PALM2AKAP2: variants seen among roughly 807,000 people sequenced by gnomAD.
PALM2AKAP2 encodes the protein PALM2-AKAP2 fusion protein.
PALM2AKAP2 carries 37 observed loss-of-function variants against 71.5 expected under a neutral mutation model. The ratio of observed to expected loss-of-function variants is 0.52; its 90% confidence interval spans 0.40 to 0.68. The LOEUF (loss-of-function observed/expected upper bound fraction) is 0.68. PALM2AKAP2 is among the 30% of genes least tolerant of loss of function. PALM2AKAP2 has a pLI of 0.00. For missense variants in PALM2AKAP2, 1,224 were observed against 1,191.8 expected (o/e 1.03, Z -0.40); for synonymous variants, 468 against 478.8 (o/e 0.98, Z 0.29).
At chr9:110,093,124 G>A (rs1834754121) in intron 1 of PALM2AKAP2, among the ~76,000 whole-genome samples, 1 of 152,220 alleles carries the variant, frequency 6.6e-6, no homozygotes, top group Admixed American at 6.5e-5. Context: ...CATGTCCTCT[G>A]CAGGGACGTT....
At chr9:110,117,083 A>G (rs1165414837) in intron 1 of PALM2AKAP2, among the ~76,000 whole-genome samples, 1 of 152,112 alleles carries the variant, frequency 6.6e-6, no homozygotes, top group East Asian at 1.9e-4. Context: ...ATGCTCAGTC[A>G]TATGCATCTT....
In PALM2AKAP2 at chr9:109,692,091, T is replaced by C. The variant is rs533927976; in HGVS notation, c.5+51225T>C. ...TTTTTTTAAATTTTTAAAAAATTTT[T>C]AAATTGAGATATAATTCACACATGA... On this transcript the variant is annotated intron_variant, in intron 1 of 6. Transcript: ENST00000374531. Among the ~76,000 whole-genome samples, 4 of 150,916 alleles carry C rather than the reference T, an allele frequency of 2.7e-5. No homozygotes were observed. The South Asian group carries it at 8.3e-4, about 31-fold the overall frequency.
At chr9:110,135,188 T>TATATATATATATATATATATATATATAA (rs1484544851) in intron 1 of PALM2AKAP2, among the ~76,000 whole-genome samples, 2 of 93,538 alleles carry the variant, frequency 2.1e-5, no homozygotes, top group African/African-American at 4.4e-5. Flanking sequence ...TATATATATA[T>TATATATATATATATATATATATATATAA]AAATCAGCCA....
intron 1 of PALM2AKAP2, among the ~76,000 whole-genome samples, chr9:109,758,373 A>T (rs1768900906): frequency 6.6e-6 from 1 of 152,036 alleles, no homozygotes; most frequent in African/African-American, 2.4e-5. Context: ...TGGAAGTGGG[A>T]TTGCTGGGTC....
At chr9:109,986,142 G>A (rs1832373905) in intron 6 of PALM2AKAP2, among the ~76,000 whole-genome samples, 1 of 152,210 alleles carries the variant, frequency 6.6e-6, no homozygotes, top group South Asian at 2.1e-4. Context: ...ATCTAATAAA[G>A]CCTTGGTATA....
At chr9:109,775,160 A>C (rs1419951584) in intron 1 of PALM2AKAP2, among the ~76,000 whole-genome samples, 1 of 151,984 alleles carries the variant, frequency 6.6e-6, no homozygotes, top group Non-Finnish European at 1.5e-5. Context: ...ATTCCCGTAC[A>C]CTCTCCTTAT....
At chr9:110,044,879 T>C (rs1450710149), upstream of PALM2AKAP2, among the ~76,000 whole-genome samples, 1 of 152,178 alleles carries the variant, frequency 6.6e-6, no homozygotes, top group Non-Finnish European at 1.5e-5. Flanking sequence ...CAGCTTCTAC[T>C]GTTCTCTAAG....
At chr9:109,751,635 T>C (rs1205834826) in intron 1 of PALM2AKAP2, among the ~76,000 whole-genome samples, 3 of 152,180 alleles carry the variant, frequency 2.0e-5, no homozygotes, top group Middle Eastern at 3.2e-3. Flanking sequence ...TGCAGCAGTT[T>C]GAGTAACAGT....
chr9:109,717,360 G>T (rs956147638), intron 1 of PALM2AKAP2, among the ~76,000 whole-genome samples: 3 of 152,116 alleles, frequency 2.0e-5, no homozygotes, highest in Non-Finnish European at 4.4e-5. Context: ...GGAGGTGGGA[G>T]GCCCATGAGA....
intron 6 of PALM2AKAP2, among the ~76,000 whole-genome samples, chr9:109,968,987 A>G (rs1832010129): frequency 6.6e-6 from 1 of 152,134 alleles, no homozygotes; most frequent in African/African-American, 2.4e-5. Flanking sequence ...AGACTAAGAA[A>G]AAAACTGACT....
intron 1 of PALM2AKAP2, among the ~76,000 whole-genome samples, chr9:109,693,524 C>T (rs1157229069): frequency 2.0e-5 from 3 of 151,732 alleles, no homozygotes; most frequent in East Asian, 1.9e-4. Flanking sequence ...ATTCTGGTCC[C>T]GTAAGGTGGA....
chr9:110,131,925 T>G (rs1337983660), intron 1 of PALM2AKAP2, among the ~76,000 whole-genome samples: 3 of 152,176 alleles, frequency 2.0e-5, no homozygotes, highest in African/African-American at 7.2e-5. Flanking sequence ...AGGGCCTCTT[T>G]CCTGTTTACA....
chr9:109,869,311 T>A (rs1246764901), intron 2 of PALM2AKAP2, among the ~76,000 whole-genome samples: 1 of 152,076 alleles, frequency 6.6e-6, no homozygotes, highest in African/African-American at 2.4e-5. Context: ...TCTGTTCATA[T>A]TACATCTATT....
At chr9:109,774,912 A>G (rs936196373) in intron 1 of PALM2AKAP2, among the ~76,000 whole-genome samples, 10 of 152,206 alleles carry the variant, frequency 6.6e-5, no homozygotes, top group African/African-American at 2.4e-4. Flanking sequence ...TCTACCTCCT[A>G]CTTCCTAATC....
At chr9:109,667,872 C>G (rs927817068) in intron 1 of PALM2AKAP2, among the ~76,000 whole-genome samples, 12 of 150,414 alleles carry the variant, frequency 8.0e-5, no homozygotes, top group African/African-American at 2.9e-4. Flanking sequence ...AAAATATAAA[C>G]AAATGAGGTA....
chr9:110,120,885 G>A (rs542623080), intron 1 of PALM2AKAP2, among the ~76,000 whole-genome samples: 8 of 152,186 alleles, frequency 5.3e-5, no homozygotes, highest in South Asian at 2.1e-4. Flanking sequence ...TGGGGAGGGC[G>A]AAGGCCGGGA....
chr9:109,734,561 T>C (rs144309463), intron 1 of PALM2AKAP2, among the ~76,000 whole-genome samples: 21 of 152,328 alleles, frequency 1.4e-4, no homozygotes, highest in East Asian at 1.2e-3. Context: ...GACAATTCAA[T>C]TGGACAGCCT....
chr9:109,691,847 TATATATATATATATATATATACAC>T (rs1205293356), intron 1 of PALM2AKAP2, among the ~76,000 whole-genome samples: 1 of 28,698 alleles, frequency 3.5e-5, no homozygotes, highest in Non-Finnish European at 7.6e-5. Flanking sequence ...TATATATATA[TATATATATATATATATATATACAC>T]ACACACACAC....
intron 1 of PALM2AKAP2, among the ~76,000 whole-genome samples, chr9:110,126,862 T>G (rs994724062): frequency 1.3e-5 from 2 of 152,194 alleles, no homozygotes; most frequent in Non-Finnish European, 2.9e-5. Flanking sequence ...TTGGAGCCAC[T>G]GACTTTTCAG....
Sources: allele counts gnomAD v4.1 joint callset (sites outside exome capture counted in the v4.1 genomes callset), GRCh38; gene constraint gnomAD v4.1.1; transcripts MANE v1.5; gene names NCBI Gene and HGNC (gene_info 2026-07-23, HGNC 2026-07-21).